Variants in MEGF10 observed in about 807,000 individuals in gnomAD.
The protein encoded by MEGF10 is multiple EGF like domains 10, also known as multiple epidermal growth factor-like domains protein 10.
Under a neutral mutation model 147.5 loss-of-function variants are expected in MEGF10, and 86 were observed. The ratio of observed to expected loss-of-function variants is 0.58; its 90% CI spans 0.49 to 0.70. The LOEUF is 0.70. Ranked by LOEUF, MEGF10 falls within the 30% of genes least tolerant of loss-of-function variation. MEGF10 has a pLI of 0.00. For missense variants in MEGF10, 1,329 were observed against 1,487.3 expected, an observed-to-expected ratio of 0.89 and a Z score of 1.75; for synonymous variants, 478 against 525.5, an observed-to-expected ratio of 0.91 and a Z score of 1.24.
At chr5:127,356,314 T>G (rs79657160) in intron 4 of MEGF10, among the ~76,000 whole-genome samples, 1 of 152,188 alleles carries the variant, frequency 6.6e-6, no homozygotes. Context: ...GCTGGTAGAA[T>G]CAATGCTGCA....
chr5:127,385,102 C>T (rs1013892256), intron 5 of MEGF10, among the ~76,000 whole-genome samples: 14 of 152,126 alleles, frequency 9.2e-5, no homozygotes, highest in African/African-American at 3.4e-4. Flanking sequence ...GAGATATCTT[C>T]TTGAAAGTGA....
intron 11 of MEGF10, among the ~76,000 whole-genome samples, chr5:127,419,549 C>T (rs1434906021): frequency 1.3e-5 from 2 of 152,158 alleles, no homozygotes; most frequent in Admixed American, 6.5e-5. Context: ...TGACAAGAAA[C>T]GCAGCCAAGC....
At chr5:127,362,360 TA>T (rs200592375) in intron 4 of MEGF10, among the ~76,000 whole-genome samples, 9 of 149,844 alleles carry the variant, frequency 6.0e-5, no homozygotes, top group African/African-American at 1.7e-4. Flanking sequence ...TACCTTTACT[TA>T]AAAAAAAATT....
At chr5:127,402,765 C>T in intron 8 of MEGF10, 83 bp downstream of exon 8, 1 of 1,409,662 alleles carries the variant, frequency 7.1e-7, no homozygotes, top group Non-Finnish European at 9.8e-7. Context: ...ATCTTCAATA[C>T]CATGTGTCCA....
intron 1 of MEGF10, among the ~76,000 whole-genome samples, chr5:127,314,889 A>G (rs1422817): frequency 6.6e-6 from 1 of 152,072 alleles, no homozygotes; most frequent in African/African-American, 2.4e-5. Flanking sequence ...TGGAAACTGT[A>G]TTTATAAGAA....
At chr5:127,399,494 G>A (rs1764047523) in intron 7 of MEGF10, among the ~76,000 whole-genome samples, 1 of 152,126 alleles carries the variant, frequency 6.6e-6, no homozygotes, top group African/African-American at 2.4e-5. Flanking sequence ...CTGCTTGAAG[G>A]CAGATGAGTG....
At chr5:127,317,863 C>T (rs1372134593) in intron 1 of MEGF10, among the ~76,000 whole-genome samples, 2 of 151,950 alleles carry the variant, frequency 1.3e-5, no homozygotes, top group African/African-American at 4.8e-5. Context: ...AACAAACTTG[C>T]ATGTTGTGCA....
At chr5:127,365,434 A>C (rs1762618039) in intron 4 of MEGF10, among the ~76,000 whole-genome samples, 1 of 152,232 alleles carries the variant, frequency 6.6e-6, no homozygotes, top group South Asian at 2.1e-4. Context: ...TTACAAGTAA[A>C]AGGAATGAGG....
intron 4 of MEGF10, among the ~76,000 whole-genome samples, chr5:127,359,184 A>G (rs955799886): frequency 3.5e-4 from 53 of 152,000 alleles, no homozygotes; most frequent in Non-Finnish European, 1.8e-4. Flanking sequence ...TAAAGCCAAT[A>G]CCTTCATAGG....
the MEGF10 span, among the ~76,000 whole-genome samples, chr5:127,266,507 T>C: frequency 1.3e-5 from 2 of 152,200 alleles, no homozygotes; most frequent in Non-Finnish European, 2.9e-5. Flanking sequence ...TAAATTACCT[T>C]GAGCAGTATG....
At chr5:127,425,118 G>T (rs1207847365) in intron 13 of MEGF10, among the ~76,000 whole-genome samples, 1 of 152,142 alleles carries the variant, frequency 6.6e-6, no homozygotes, top group Non-Finnish European at 1.5e-5. Context: ...CCTGTGAAAG[G>T]CACACTCTAG....
At chr5:127,352,769 G>T (rs1762130615) in intron 4 of MEGF10, among the ~76,000 whole-genome samples, 1 of 152,200 alleles carries the variant, frequency 6.6e-6, no homozygotes, top group African/African-American at 2.4e-5. Flanking sequence ...TCTTCAGAGA[G>T]CCATAAGAAC....
At chr5:127,414,741 G>A (rs1054877293) in intron 9 of MEGF10, among the ~76,000 whole-genome samples, 1 of 152,168 alleles carries the variant, frequency 6.6e-6, no homozygotes, top group Non-Finnish European at 1.5e-5. Context: ...TGCATTTACT[G>A]TGGGCCTACC....
At chr5:127,278,487 G>A in the MEGF10 span, among the ~76,000 whole-genome samples, 83,700 of 152,026 alleles carry the variant, frequency 0.55, 23,453 homozygotes, top group Middle Eastern at 0.71. Flanking sequence ...GAACCAAACA[G>A]AGTTCTTTTT....
At chr5:127,418,801 T>C (rs566125658) in intron 10 of MEGF10, among the ~76,000 whole-genome samples, 1 of 152,350 alleles carries the variant, frequency 6.6e-6, no homozygotes, top group South Asian at 2.1e-4. Context: ...TTTATTTTTA[T>C]ATATCTACTT....
chr5:127,244,782 C>G, the MEGF10 span, among the ~76,000 whole-genome samples: 1 of 151,878 alleles, frequency 6.6e-6, no homozygotes, highest in African/African-American at 2.4e-5. Flanking sequence ...CAAATCAAAG[C>G]CTGGTTCAGA....
intron 1 of MEGF10, among the ~76,000 whole-genome samples, chr5:127,313,060 C>T (rs1295339005): frequency 6.6e-6 from 1 of 152,060 alleles, no homozygotes; most frequent in Non-Finnish European, 1.5e-5. Context: ...TGACTTGGGA[C>T]AGGTAGAAAA....
the MEGF10 span, among the ~76,000 whole-genome samples, chr5:127,247,428 G>A: frequency 3.2e-5 from 3 of 94,274 alleles, no homozygotes; most frequent in African/African-American, 1.7e-4. Flanking sequence ...AGAAGAAGAA[G>A]AAGAAGAAGA....
chr5:127,238,029 C>CTATATA, the MEGF10 span, among the ~76,000 whole-genome samples: 1,067 of 138,998 alleles, frequency 7.7e-3, 7 homozygotes, highest in East Asian at 0.033. Context: ...AAACTTCAGA[C>CTATATA]TATATATATA....
Sources: allele counts gnomAD v4.1 joint callset (sites outside exome capture counted in the v4.1 genomes callset), GRCh38; gene constraint gnomAD v4.1.1; transcripts MANE v1.5; gene names NCBI Gene and HGNC (gene_info 2026-07-23, HGNC 2026-07-21).